KCNMA1: variants seen among roughly 807,000 people sequenced by gnomAD.
KCNMA1 encodes the protein potassium calcium-activated channel subfamily M alpha 1, also known as Calcium-activated potassium channel subunit alpha-1.
In KCNMA1, 29 loss-of-function variants were observed where a neutral mutation model predicts 140.0. That is an observed-to-expected ratio of 0.21 (90% CI 0.15 to 0.28). The LOEUF is 0.28. Ranked by LOEUF, KCNMA1 falls within the 10% of genes least tolerant of loss-of-function variation. The probability of loss-of-function intolerance (pLI) is 1.00; values close to 1 mark genes in which losing one functional copy is unlikely to be tolerated. For missense variants in KCNMA1, 880 were observed against 1,602.2 expected (o/e 0.55, Z 7.70); for synonymous variants, 612 against 611.9 (o/e 1.00, Z 0.00).
intron 6 of KCNMA1, among the ~76,000 whole-genome samples, chr10:77,115,758 GT>G (rs1201812247): frequency 2.0e-5 from 3 of 152,162 alleles, no homozygotes; most frequent in Non-Finnish European, 2.9e-5. Flanking sequence ...TTTAATCATT[GT>G]TGCTAAAACA....
intron 1 of KCNMA1, among the ~76,000 whole-genome samples, chr10:77,595,127 C>T (rs78588986): frequency 4.6e-5 from 7 of 152,172 alleles, no homozygotes; most frequent in South Asian, 2.1e-4. Flanking sequence ...GGGCAGATCA[C>T]GTGAGGTGAG....
chr10:77,387,885 T>G (rs1203379309), intron 2 of KCNMA1, among the ~76,000 whole-genome samples: 1 of 152,214 alleles, frequency 6.6e-6, no homozygotes, highest in East Asian at 1.9e-4. Flanking sequence ...CCCAAAGTGC[T>G]GGGATTACAG....
chr10:77,549,978 TCA>T (rs1331124174), intron 1 of KCNMA1, among the ~76,000 whole-genome samples: 4 of 152,158 alleles, frequency 2.6e-5, no homozygotes, highest in Non-Finnish European at 5.9e-5. Context: ...TTCAGGGAAA[TCA>T]CAGTTTCCTT....
Position 76,886,265 on chromosome 10 carries a change from G to A in KCNMA1, c.*1001C>T. ...ACAAAGGGGAGTAAAAAGATCCCCTGAGAATGCATGGAAAAATACTTGCTC... is the reference window on the plus strand; with the variant it reads ...ACAAAGGGGAGTAAAAAGATCCCCTAAGAATGCATGGAAAAATACTTGCTC... On this transcript the variant is annotated 3_prime_UTR_variant, in exon 28 of 28. Coordinates refer to ENST00000286628, the MANE Select transcript of KCNMA1 (RefSeq NM_001161352.2). 2 of 985,158 alleles carry A rather than the reference G, an allele frequency of 2.0e-6. No homozygotes were observed. Among genetic ancestry groups the A allele is most frequent in the Non-Finnish European group, 1.2e-6 (1 of 829,714 alleles). 61.0% of individuals were successfully genotyped at this position (985,158 alleles called of 1,614,324 possible). A position where few individuals can be genotyped will look rare whatever the true frequency, so the allele number is the denominator to read the frequency against.
intron 19 of KCNMA1, chr10:76,970,382 C>T: frequency 3.3e-6 from 1 of 305,036 alleles, no homozygotes; most frequent in South Asian, 3.9e-5. Context: ...AAAAAAAATA[C>T]TTATCATTAT....
chr10:77,440,413 C>T (rs1173552602), intron 1 of KCNMA1, among the ~76,000 whole-genome samples: 1 of 152,172 alleles, frequency 6.6e-6, no homozygotes, highest in Admixed American at 6.5e-5. Flanking sequence ...AAGGGTGAAA[C>T]ATGGGCAACA....
intron 13 of KCNMA1, among the ~76,000 whole-genome samples, chr10:77,079,010 C>T (rs1000550814): frequency 6.6e-6 from 1 of 152,154 alleles, no homozygotes; most frequent in Non-Finnish European, 1.5e-5. Context: ...GTGGCTCATG[C>T]CTGTAATCCC....
chr10:77,387,017 T>C (rs949551992), intron 2 of KCNMA1, among the ~76,000 whole-genome samples: 16 of 152,112 alleles, frequency 1.1e-4, no homozygotes, highest in African/African-American at 3.1e-4. Flanking sequence ...TCTGCAGCGA[T>C]TGGGAGAAAG....
Position 77,325,766 on chromosome 10 carries a change from T to C in KCNMA1, c.541-74510A>G, listed in dbSNP as rs572429637. Among the ~76,000 whole-genome samples, 3 of 152,312 alleles carry C rather than the reference T, an allele frequency of 2.0e-5. No homozygotes were observed. The East Asian group carries it at 5.8e-4, about 29-fold the overall frequency. On this transcript the variant is annotated intron_variant, in intron 2 of 27. Transcript: ENST00000286628. Reference sequence around the variant, plus strand: ...GCCTCTGCTGCCCCAACAGGTCTCCTTGTCGCCATACCATTCTCCACAGTA... The same window carrying C: ...GCCTCTGCTGCCCCAACAGGTCTCCCTGTCGCCATACCATTCTCCACAGTA...
chr10:77,393,769 A>G (rs1037381544), intron 2 of KCNMA1, among the ~76,000 whole-genome samples: 5 of 152,238 alleles, frequency 3.3e-5, no homozygotes, highest in African/African-American at 1.2e-4. Flanking sequence ...CACAAGGAGC[A>G]AGATGGAGAT....
chr10:77,568,160 G>T (rs1374361953), intron 1 of KCNMA1, among the ~76,000 whole-genome samples: 1 of 152,204 alleles, frequency 6.6e-6, no homozygotes, highest in East Asian at 1.9e-4. Flanking sequence ...GAGGTACAAG[G>T]AGGAACTGGT....
chr10:77,578,663 C>T (rs2074993410), intron 1 of KCNMA1, among the ~76,000 whole-genome samples: 1 of 152,178 alleles, frequency 6.6e-6, no homozygotes, highest in South Asian at 2.1e-4. Context: ...CCTCTCGCTC[C>T]AGAGTATCCA....
At chr10:77,133,416 A>C (rs1246575761) in intron 5 of KCNMA1, among the ~76,000 whole-genome samples, 1 of 151,938 alleles carries the variant, frequency 6.6e-6, no homozygotes, top group East Asian at 1.9e-4. Context: ...CAAGACATAC[A>C]GAAAAGTTAG....
intron 5 of KCNMA1, among the ~76,000 whole-genome samples, chr10:77,139,490 C>T (rs1019323224): frequency 6.6e-6 from 1 of 152,174 alleles, no homozygotes; most frequent in African/African-American, 2.4e-5. Flanking sequence ...TTATTGCTTG[C>T]CAACTGGAAT....
At chr10:77,516,359 A>G (rs2050433681) in intron 1 of KCNMA1, among the ~76,000 whole-genome samples, 1 of 151,776 alleles carries the variant, frequency 6.6e-6, no homozygotes, top group African/African-American at 2.4e-5. Context: ...ATTTTTTCCC[A>G]TTCCCTGTTT....
chr10:77,468,744 G>A (rs1268607472), intron 1 of KCNMA1, among the ~76,000 whole-genome samples: 1 of 152,106 alleles, frequency 6.6e-6, no homozygotes, highest in Non-Finnish European at 1.5e-5. Context: ...GTCACAGCAG[G>A]CCTAGCAAAC....
chr10:76,888,675 T>C (rs1228841929), intron 27 of KCNMA1, among the ~76,000 whole-genome samples: 3 of 152,248 alleles, frequency 2.0e-5, no homozygotes, highest in African/African-American at 7.2e-5. Flanking sequence ...TGATAATATA[T>C]AATTGTCTCA....
chr10:77,379,463 C>T (rs2095304122), intron 2 of KCNMA1, among the ~76,000 whole-genome samples: 1 of 150,928 alleles, frequency 6.6e-6, no homozygotes, highest in Non-Finnish European at 1.5e-5. Context: ...GAAAGGAAAA[C>T]AGCAGATAAA....
chr10:77,119,152 C>T (rs1450066470), intron 6 of KCNMA1, among the ~76,000 whole-genome samples: 1 of 152,198 alleles, frequency 6.6e-6, no homozygotes, highest in Non-Finnish European at 1.5e-5. Flanking sequence ...GCACTGAGTG[C>T]AGTTGGCAGG....
Sources: allele counts gnomAD v4.1 joint callset (sites outside exome capture counted in the v4.1 genomes callset), GRCh38; gene constraint gnomAD v4.1.1; transcripts MANE v1.5; gene names NCBI Gene and HGNC (gene_info 2026-07-23, HGNC 2026-07-21).